Variants in CRIP1 observed in about 807,000 individuals in gnomAD.
The protein encoded by CRIP1 is cysteine-rich protein 1.
In CRIP1, 11 loss-of-function variants were observed where a neutral mutation model predicts 12.9. The observed-to-expected ratio is 0.86, with a 90% CI of 0.54 to 1.42. CRIP1 has a LOEUF of 1.42. CRIP1 is among the 40% of genes most tolerant of loss of function. The probability of loss-of-function intolerance (pLI) is 0.00; values close to 1 mark genes in which losing one functional copy is unlikely to be tolerated. For missense variants in CRIP1, 122 were observed against 101.3 expected, an observed-to-expected ratio of 1.20 and a Z score of -0.88; for synonymous variants, 41 against 37.2, an observed-to-expected ratio of 1.10 and a Z score of -0.37.
At chr14:105,487,132 G>A in intron 1 of CRIP1, 67 bp from the exon 2 acceptor site, 1 of 1,420,704 alleles carries the variant, frequency 7.0e-7, no homozygotes, top group South Asian at 1.5e-5. Context: ...GGGCGCGAGG[G>A]GCGGGGTCTC....
Position 105,488,235 on chromosome 14 carries a change from C to T in CRIP1, c.110C>T (p.Thr37Met), listed in dbSNP as rs781948995. 1.4e-5 allele frequency: 22 copies of T among 1,613,312 alleles called. No homozygotes were observed. The highest frequency in any genetic ancestry group is 4.5e-5 in the East Asian group (2 of 44,896). ...CTGAAGTGCGAGAAATGTGGGAAGA[C>T]GCTGACCTCTGGGGGCCACGCTGAG... The part of the protein sequence containing the change: ...PCLKCEKCGK[T>M]LTSGGHAEHE... The change falls in exon 3 of 6, where the codon ACG becomes ATG. Residue 37 changes from threonine to methionine, a missense_variant. Transcript: ENST00000392531.
At position 105,488,526 on chromosome 14, in the gene CRIP1, A is replaced by T; in HGVS notation, c.*5+10A>T. 6.3e-7 allele frequency: 1 copy of T among 1,578,284 alleles called. No homozygotes were observed. The highest frequency in any genetic ancestry group is 8.6e-7 in the Non-Finnish European group (1 of 1,160,898). On this transcript the variant is annotated intron_variant, in intron 5 of 5. Coordinates refer to ENST00000392531, the MANE Select transcript of CRIP1 (RefSeq NM_001311.5). ...CTTTCAAGTAAACCAGGTAGGTAGG[A>T]CCCCACCCCCTATCCTGCCTCCTGG...
At chr14:105,487,713 C>T in intron 2 of CRIP1, 1 of 198,080 alleles carries the variant, frequency 5.0e-6, no homozygotes, top group African/African-American at 2.3e-5. Flanking sequence ...CTCCCTGCCC[C>T]GCGCCCGCGC....
At chr14:105,488,291 CA>C (rs782186327) in intron 3 of CRIP1, 31 bp downstream of exon 3, 6 of 1,613,386 alleles carry the variant, frequency 3.7e-6, no homozygotes, top group Middle Eastern at 1.7e-4. Flanking sequence ...TGGCAGGGGC[CA>C]GGGGTGATGG....
In CRIP1 at chr14:105,488,820, G is replaced by C; in HGVS notation, c.*163G>C. The C allele has an allele frequency of 4.6e-6, 2 of 438,008 alleles. No individual in the cohort carries two copies. Among genetic ancestry groups the C allele is most frequent in the South Asian group, 4.1e-5 (1 of 24,314 alleles). The allele number at this position is 438,008 out of a possible 1,614,324, so 27.1% of individuals were successfully genotyped here. On this transcript the variant is annotated 3_prime_UTR_variant, in exon 6 of 6. Coordinates refer to ENST00000392531, the MANE Select transcript of CRIP1 (RefSeq NM_001311.5). Reference sequence around the variant, plus strand: ...GTGTGTACATGCGCGTGTGTGCTGGGGAGTGCCAAGGGAGCTGCAGTGGGG... The same window carrying C: ...GTGTGTACATGCGCGTGTGTGCTGGCGAGTGCCAAGGGAGCTGCAGTGGGG...
In CRIP1 at chr14:105,487,200, C is replaced by G; in HGVS notation, c.-60C>G. On this transcript the variant is annotated splice_region_variant and 5_prime_UTR_variant, in exon 2 of 6. In the 5' UTR this introduces an upstream ATG that the reference lacks. Transcript: ENST00000392531. Reference sequence around the variant, plus strand: ...GCGGACCAGGCCGGATCCACCCAGTCTCGCGCCTGCAGCCCGTGCCGCCCC... The same window carrying G: ...GCGGACCAGGCCGGATCCACCCAGTGTCGCGCCTGCAGCCCGTGCCGCCCC... 1.3e-6 allele frequency: 2 copies of G among 1,536,244 alleles called. No homozygotes were observed. Among genetic ancestry groups the G allele is most frequent in the Non-Finnish European group, 1.8e-6 (2 of 1,141,452 alleles).
intron 1 of CRIP1, 78 bp from the exon 2 acceptor site, chr14:105,487,120 CG>C: frequency 7.1e-7 from 1 of 1,404,998 alleles, no homozygotes; most frequent in Non-Finnish European, 9.4e-7. Context: ...GTTCAGAGGG[CG>C]GGGCGCGAGG....
Position 105,488,373 on chromosome 14 carries a change from A to G in CRIP1, c.178A>G (p.Met60Val). Reference protein sequence around the residue: ...PYCNHPCYAAMFGPKGFGRGG... With the variant: ...PYCNHPCYAAVFGPKGFGRGG... ...CTGCAACCACCCCTGCTACGCAGCC[A>G]TGTTTGGGCCTAAAGGTATGCTCCC... The change falls in exon 4 of 6, where the codon ATG becomes GTG. Residue 60 changes from methionine (M) to valine (V), a missense_variant. Transcript: ENST00000392531. 1.2e-6 allele frequency: 2 copies of G among 1,613,274 alleles called. No homozygotes were observed. Among genetic ancestry groups the G allele is most frequent in the Admixed American group, 1.7e-5 (1 of 60,022 alleles).
In CRIP1 at chr14:105,488,375, G is replaced by A; in HGVS notation, c.180G>A (p.Met60Ile). The A allele has an allele frequency of 6.2e-7, 1 of 1,613,344 alleles. No individual in the cohort carries two copies. The highest frequency in any genetic ancestry group is 8.5e-7 in the Non-Finnish European group (1 of 1,179,956). ...GCAACCACCCCTGCTACGCAGCCAT[G>A]TTTGGGCCTAAAGGTATGCTCCCGT... is the stretch of plus-strand genomic sequence containing the variant. ...PYCNHPCYAA[M>I]FGPKGFGRGG... is the part of the protein sequence containing the mutation. Residue 60 changes from methionine (M) to isoleucine (I), a missense_variant, in exon 4 of 6, where the codon ATG becomes ATA. Met to Ile is a conservative substitution (Grantham distance 10, BLOSUM62 1). Transcript: ENST00000392531.
rs2084125785 is a variant in CRIP1 at position 105,486,893 on chromosome 14, C to T, written c.-141C>T. On this transcript the variant is annotated 5_prime_UTR_variant, in exon 1 of 6. Coordinates refer to ENST00000392531, the MANE Select transcript of CRIP1 (RefSeq NM_001311.5). ...TTCCTGCTGCGGGTGAGCCTTTTGC[C>T]TCGGAACTGGACCCGGGAGACATCA... 2 of 1,067,130 alleles carry T rather than the reference C, an allele frequency of 1.9e-6. No homozygotes were observed. The highest frequency in any genetic ancestry group is 1.7e-5 in the African/African-American group (1 of 60,006). The allele number at this position is 1,067,130 out of a possible 1,614,324, so 66.1% of individuals were successfully genotyped here. A position where few individuals can be genotyped will look rare whatever the true frequency, so the allele number is the denominator to read the frequency against.
Position 105,488,504 on chromosome 14 carries a change from T to G in CRIP1, c.227T>G (p.Phe76Cys). The change falls in exon 5 of 6, where the codon TTC (phenylalanine) becomes TGC (cysteine). Residue 76 changes from phenylalanine (F) to cysteine (C), a missense_variant. By Grantham distance (205) the Phe-to-Cys change is radical. Transcript: ENST00000392531. ...CGGGGCGGAGCCGAGAGCCACACTT[T>G]CAAGTAAACCAGGTAGGTAGGACCC... is the stretch of plus-strand genomic sequence containing the variant. Reference protein sequence around the residue: ...FGRGGAESHTFK With the variant: ...FGRGGAESHTCK 1 of 1,597,760 alleles carries G rather than the reference T, an allele frequency of 6.3e-7. No homozygotes were observed. Among genetic ancestry groups the G allele is most frequent in the South Asian group, 1.1e-5 (1 of 89,300 alleles).
intron 5 of CRIP1, 48 bp downstream of exon 5, chr14:105,488,564 G>T (rs1322061991): frequency 4.5e-6 from 7 of 1,551,018 alleles, no homozygotes; most frequent in Non-Finnish European, 5.2e-6. Flanking sequence ...CCACCCTCGG[G>T]ATGGGGATGC....
chr14:105,488,561 C>T (rs781845027), intron 5 of CRIP1, 45 bp downstream of exon 5: 21 of 1,553,796 alleles, frequency 1.4e-5, no homozygotes, highest in East Asian at 4.5e-5. Flanking sequence ...GTTCCACCCT[C>T]GGGATGGGGA....
At chr14:105,487,964 G>T in intron 2 of CRIP1, 1 of 591,634 alleles carries the variant, frequency 1.7e-6, no homozygotes, top group Non-Finnish European at 3.0e-6. Flanking sequence ...CCCGCGCTTT[G>T]TTTAGTTGTA....
chr14:105,488,558 C>G (rs782082513), intron 5 of CRIP1, 42 bp downstream of exon 5: 4 of 1,556,152 alleles, frequency 2.6e-6, no homozygotes, highest in Non-Finnish European at 3.5e-6. Context: ...CTGGTTCCAC[C>G]CTCGGGATGG....
At position 105,488,758 on chromosome 14, in the gene CRIP1, A is replaced by C; in HGVS notation, c.*101A>C. 1 of 581,236 alleles carries C rather than the reference A, an allele frequency of 1.7e-6. No individual in the cohort carries two copies. Among genetic ancestry groups the C allele is most frequent in the East Asian group, 2.8e-5 (1 of 35,904 alleles). 36.0% of individuals were successfully genotyped at this position (581,236 alleles called of 1,614,324 possible). A position where few individuals can be genotyped will look rare whatever the true frequency, so the allele number is the denominator to read the frequency against. ...TGCCCAGGGCTCCCTTGTTGCCCCT[A>C]ATGCTCTCAGTAAACCTGAACACTT... is the stretch of plus-strand genomic sequence containing the variant. On this transcript the variant is annotated 3_prime_UTR_variant, in exon 6 of 6. Transcript: ENST00000392531.
chr14:105,487,960 C>G (rs1595464387), intron 2 of CRIP1: 1 of 578,370 alleles, frequency 1.7e-6, no homozygotes, highest in African/African-American at 1.9e-5. Flanking sequence ...CGACCCCGCG[C>G]TTTGTTTAGT....
intron 2 of CRIP1, chr14:105,487,656 A>T (rs1205359965): frequency 1.3e-5 from 3 of 236,958 alleles, no homozygotes; most frequent in Non-Finnish European, 2.4e-5. Flanking sequence ...CGCTAAGTGG[A>T]AACAGACGCG....
chr14:105,487,841 G>A, intron 2 of CRIP1: 1 of 369,504 alleles, frequency 2.7e-6, no homozygotes, highest in Non-Finnish European at 5.0e-6. Context: ...CCAGGCCCAG[G>A]CCCTGCTGAC....
Sources: gnomAD v4.1 joint callset for allele counts on GRCh38, gnomAD v4.1.1 for gene constraint, MANE v1.5 for transcripts, NCBI Gene and HGNC (gene_info 2026-07-23, HGNC 2026-07-21) for gene names.